Variants in CD86 observed in about 807,000 individuals in gnomAD.
CD86 encodes T-lymphocyte activation antigen CD86.
CD86 carries 11 observed loss-of-function variants against 32.1 expected under a neutral mutation model. The ratio of observed to expected loss-of-function variants is 0.34; its 90% confidence interval spans 0.22 to 0.57. The LOEUF is 0.57. Ranked by LOEUF, CD86 falls within the 20% of genes least tolerant of loss-of-function variation. The probability of loss-of-function intolerance (pLI) is 0.86; values close to 1 mark genes in which losing one functional copy is unlikely to be tolerated. For synonymous variants in CD86, 137 were observed against 135.3 expected (o/e 1.01, Z -0.09); for missense variants, 359 against 398.4 (o/e 0.90, Z 0.84).
At chr3:122,073,500 G>A (rs2072517859) in intron 1 of CD86, among the ~76,000 whole-genome samples, 1 of 152,038 alleles carries the variant, frequency 6.6e-6, no homozygotes, top group Admixed American at 6.5e-5. Flanking sequence ...GTTGATACAT[G>A]TTTCTGCTTT....
At chr3:122,088,549 T>C (rs1203608771) in intron 1 of CD86, among the ~76,000 whole-genome samples, 1 of 152,206 alleles carries the variant, frequency 6.6e-6, no homozygotes, top group East Asian at 1.9e-4. Flanking sequence ...GGGCATTACC[T>C]ATTGAGCCAA....
chr3:122,101,176 G>A (rs2072993415), intron 2 of CD86, among the ~76,000 whole-genome samples: 1 of 152,034 alleles, frequency 6.6e-6, no homozygotes, highest in Non-Finnish European at 1.5e-5. Context: ...GTCATTTTCT[G>A]TGATCCACTC....
chr3:122,100,461 C>T (rs2072981466), intron 2 of CD86, among the ~76,000 whole-genome samples: 1 of 152,118 alleles, frequency 6.6e-6, no homozygotes, highest in Admixed American at 6.5e-5. Context: ...TGGAATGAGG[C>T]TTTCAAAGGG....
intron 1 of CD86, among the ~76,000 whole-genome samples, chr3:122,070,588 A>T (rs1343204795): frequency 6.6e-6 from 1 of 152,222 alleles, no homozygotes; most frequent in Non-Finnish European, 1.5e-5. Context: ...AACTCATTAC[A>T]TTTCTAAGAA....
Position 122,078,017 on chromosome 3 carries a change from G to C in CD86, c.15-13584G>C, listed in dbSNP as rs9282644. Reference sequence around the variant, plus strand: ...TGCTTATGCATCTGGTCTCTTTTTGGAGCTACAGTGGACAGGCATTTGTGA... The same window carrying C: ...TGCTTATGCATCTGGTCTCTTTTTGCAGCTACAGTGGACAGGCATTTGTGA... On this transcript the variant is annotated intron_variant, in intron 1 of 6. Coordinates refer to ENST00000330540, the MANE Select transcript of CD86 (RefSeq NM_175862.5). The C allele has an allele frequency of 3.0e-6, 3 of 985,500 alleles. No individual in the cohort carries two copies. The African/African-American group carries it at 5.2e-5, about 17-fold the overall frequency. 61.0% of individuals were successfully genotyped at this position (985,500 alleles called of 1,614,324 possible). A position where few individuals can be genotyped will look rare whatever the true frequency, so the allele number is the denominator to read the frequency against.
intron 1 of CD86, among the ~76,000 whole-genome samples, chr3:122,072,715 G>A (rs1418263349): frequency 6.6e-6 from 1 of 152,090 alleles, no homozygotes; most frequent in African/African-American, 2.4e-5. Flanking sequence ...CTTTTGCTGT[G>A]CAGAAGCTCT....
intron 2 of CD86, among the ~76,000 whole-genome samples, chr3:122,092,356 G>A (rs973856185): frequency 2.0e-4 from 30 of 152,264 alleles, no homozygotes; most frequent in Middle Eastern, 3.4e-3. Context: ...ATTTGAATAA[G>A]TAAGATATTG....
chr3:122,106,151 A>T, intron 3 of CD86, 47 bp from the exon 4 acceptor site: 1 of 1,406,482 alleles, frequency 7.1e-7, no homozygotes, highest in Non-Finnish European at 9.6e-7. Context: ...CCTCCTAGAT[A>T]CATCTAAACT....
chr3:122,059,454 T>C (rs1477297890), intron 1 of CD86, among the ~76,000 whole-genome samples: 2 of 150,754 alleles, frequency 1.3e-5, no homozygotes, highest in African/African-American at 2.4e-5. Flanking sequence ...GAGAATAGCT[T>C]GAACCCAGGA....
chr3:122,095,432 C>T (rs1368909538), intron 2 of CD86, among the ~76,000 whole-genome samples: 3 of 152,102 alleles, frequency 2.0e-5, no homozygotes, highest in African/African-American at 7.2e-5. Flanking sequence ...CTGCCCGCCT[C>T]GACCTCCCAA....
chr3:122,091,012 A>G (rs2072808669), intron 1 of CD86, among the ~76,000 whole-genome samples: 1 of 152,206 alleles, frequency 6.6e-6, no homozygotes. Flanking sequence ...ACCACAGGAA[A>G]ACAAAAGGAA....
chr3:122,118,375 T>C (rs2073289251), intron 6 of CD86, among the ~76,000 whole-genome samples: 1 of 152,226 alleles, frequency 6.6e-6, no homozygotes, highest in Non-Finnish European at 1.5e-5. Flanking sequence ...CTTCATCTTA[T>C]CTGCCACAGT....
At chr3:122,065,889 C>T (rs778403920) in intron 1 of CD86, among the ~76,000 whole-genome samples, 19 of 152,052 alleles carry the variant, frequency 1.2e-4, no homozygotes, top group Admixed American at 3.9e-4. Context: ...GGGCTCAATA[C>T]AGACATGTAA....
chr3:122,071,960 A>G (rs868105595), intron 1 of CD86, among the ~76,000 whole-genome samples: 25 of 138,946 alleles, frequency 1.8e-4, no homozygotes, highest in Middle Eastern at 4.2e-3. Flanking sequence ...ACTCCTATCT[A>G]TGAGTGAGAA....
chr3:122,098,375 G>A (rs751842197), intron 2 of CD86, among the ~76,000 whole-genome samples: 1 of 152,264 alleles, frequency 6.6e-6, no homozygotes, highest in African/African-American at 2.4e-5. Flanking sequence ...AACAACATGA[G>A]AAGAGGACTT....
At chr3:122,111,214 G>C (rs1308255931) in intron 5 of CD86, among the ~76,000 whole-genome samples, 1 of 152,222 alleles carries the variant, frequency 6.6e-6, no homozygotes, top group Non-Finnish European at 1.5e-5. Context: ...TCACTGTAGG[G>C]AGGGAGGTGC....
chr3:122,114,138 C>A (rs1439701372), intron 5 of CD86, among the ~76,000 whole-genome samples: 1 of 151,774 alleles, frequency 6.6e-6, no homozygotes, highest in Non-Finnish European at 1.5e-5. Context: ...GTAATCCCAG[C>A]TACTTGGGAG....
chr3:122,096,747 C>T (rs1022590890), intron 2 of CD86, among the ~76,000 whole-genome samples: 5 of 152,214 alleles, frequency 3.3e-5, no homozygotes, highest in Non-Finnish European at 5.9e-5. Flanking sequence ...TGAGATTGAA[C>T]TCACGCTGTC....
chr3:122,108,539 C>G (rs559026317), intron 4 of CD86, among the ~76,000 whole-genome samples: 1 of 152,256 alleles, frequency 6.6e-6, no homozygotes, highest in African/African-American at 2.4e-5. Flanking sequence ...GAACTGTTCC[C>G]AAAAATGTCT....
Sources: allele counts gnomAD v4.1 joint callset (sites outside exome capture counted in the v4.1 genomes callset), GRCh38; gene constraint gnomAD v4.1.1; transcripts MANE v1.5; gene names NCBI Gene and HGNC (gene_info 2026-07-23, HGNC 2026-07-21).